Variants in HSD17B4 observed in about 807,000 individuals in gnomAD.
HSD17B4 encodes peroxisomal multifunctional enzyme type 2.
HSD17B4 carries 70 observed loss-of-function variants against 101.0 expected under a neutral mutation model. The observed-to-expected ratio is 0.69, with a 90% CI of 0.57 to 0.85. The LOEUF (loss-of-function observed/expected upper bound fraction) is 0.85. HSD17B4 is among the 40% of genes least tolerant of loss of function. The pLI, the probability that HSD17B4 is intolerant of heterozygous loss-of-function variation, is 0.00. For missense variants in HSD17B4, 984 were observed against 892.4 expected (o/e 1.10, Z -1.31); for synonymous variants, 347 against 297.1 (o/e 1.17, Z -1.73).
At chr5:119,528,505 T>C (rs976946323) in intron 20 of HSD17B4, among the ~76,000 whole-genome samples, 2 of 152,180 alleles carry the variant, frequency 1.3e-5, no homozygotes, top group African/African-American at 2.4e-5. Flanking sequence ...TTCCTACCCA[T>C]AGATACACTC....
At chr5:119,541,234 T>G (rs1185298863) in intron 23 of HSD17B4, among the ~76,000 whole-genome samples, 1 of 152,194 alleles carries the variant, frequency 6.6e-6, no homozygotes, top group Non-Finnish European at 1.5e-5. Context: ...AATACTCTCT[T>G]ATCACATGTC....
intron 14 of HSD17B4, among the ~76,000 whole-genome samples, chr5:119,504,785 C>T (rs766339881): frequency 1.1e-4 from 17 of 152,092 alleles, no homozygotes; most frequent in Non-Finnish European, 2.2e-4. Flanking sequence ...TTGTTTTGAT[C>T]GTAATTGCTT....
At chr5:119,515,205 G>A (rs374772475) in intron 17 of HSD17B4, among the ~76,000 whole-genome samples, 159 bp downstream of exon 17, 11 of 151,812 alleles carry the variant, frequency 7.2e-5, no homozygotes, top group African/African-American at 2.7e-4. Flanking sequence ...GTGATTGCAC[G>A]TTATTTTTTT....
intron 9 of HSD17B4, 74 bp from the exon 10 acceptor site, chr5:119,492,026 T>G: frequency 7.1e-6 from 9 of 1,269,578 alleles, no homozygotes; most frequent in Non-Finnish European, 1.0e-5. Flanking sequence ...AGGAGCTGAC[T>G]TTTTTCTAAT....
rs6894991 is a variant in HSD17B4, at chr5:119,491,942, T to A, written c.715-158T>A. On this transcript the variant is annotated intron_variant, in intron 9 of 23. Coordinates refer to ENST00000510025, the MANE Select transcript of HSD17B4 (RefSeq NM_000414.4). Reference sequence around the variant, plus strand: ...CGATAACATGAGCAGTGCAAAGTCATGGGGGCCAGTGGACTCTTACAGAGC... The same window carrying A: ...CGATAACATGAGCAGTGCAAAGTCAAGGGGGCCAGTGGACTCTTACAGAGC... Among the ~76,000 whole-genome samples the A allele has an allele frequency of 0.042, 6,356 of 152,246 alleles. 564 individuals are homozygous for A. The highest frequency in any genetic ancestry group is 0.42 in the East Asian group (2,147 of 5,144).
chr5:119,484,684 T>C (rs919746935), intron 8 of HSD17B4, among the ~76,000 whole-genome samples: 2 of 152,188 alleles, frequency 1.3e-5, no homozygotes, highest in African/African-American at 2.4e-5. Flanking sequence ...CAAATACTTA[T>C]GGTACCATAT....
chr5:119,485,235 G>A (rs1435115321), intron 8 of HSD17B4, among the ~76,000 whole-genome samples: 2 of 152,064 alleles, frequency 1.3e-5, no homozygotes, highest in Non-Finnish European at 2.9e-5. Flanking sequence ...TTTTTGGGAA[G>A]CCGTACGTTT....
chr5:119,529,766 A>G lies in HSD17B4; in HGVS notation c.1768-128A>G, dbSNP rs1205694939. 7 of 645,442 alleles carry G rather than the reference A, an allele frequency of 1.1e-5. No homozygotes were observed. In the East Asian group the frequency reaches 1.9e-4, roughly 18 times the overall value. The allele number at this position is 645,442 out of a possible 1,614,324, so 40.0% of individuals were successfully genotyped here. A position where few individuals can be genotyped will look rare whatever the true frequency, so the allele number is the denominator to read the frequency against. On this transcript the variant is annotated intron_variant, in intron 20 of 23. Transcript: ENST00000510025. ...ATTTACTTTAGCAGCCTTTTATTTT[A>G]TCTGGATTATTATATTCTTTTTCAT...
At chr5:119,538,825 A>T (rs1754745944) in intron 23 of HSD17B4, among the ~76,000 whole-genome samples, 1 of 152,116 alleles carries the variant, frequency 6.6e-6, no homozygotes, top group Non-Finnish European at 1.5e-5. Context: ...TTCCTGTTAT[A>T]TTCTGATAAC....
intron 20 of HSD17B4, among the ~76,000 whole-genome samples, chr5:119,528,900 T>TCTCACTTTCTCCCTCCCTTCCTCCTTTC (rs1753825849): frequency 6.6e-6 from 1 of 152,102 alleles, no homozygotes; most frequent in South Asian, 2.1e-4. Context: ...TGCCTCCTTT[T>TCTCACTTTCTCCCTCCCTTCCTCCTTTC]CTCACTTTCT....
At chr5:119,480,094 A>G (rs1451835780) in intron 8 of HSD17B4, among the ~76,000 whole-genome samples, 2 of 152,010 alleles carry the variant, frequency 1.3e-5, no homozygotes, top group Non-Finnish European at 2.9e-5. Context: ...GACATATGTT[A>G]TTGAACATTT....
intron 1 of HSD17B4, among the ~76,000 whole-genome samples, chr5:119,453,510 G>C (rs973710866): frequency 2.0e-5 from 3 of 152,222 alleles, no homozygotes; most frequent in Non-Finnish European, 2.9e-5. Context: ...GGTGACCTCT[G>C]TAACCTCCAA....
rs370873991 is a variant in HSD17B4, at chr5:119,525,201, A to G, written c.1504-15A>G. 13 of 1,594,578 alleles carry G rather than the reference A, an allele frequency of 8.2e-6. No homozygotes were observed. Among genetic ancestry groups the G allele is most frequent in the Non-Finnish European group, 1.0e-5 (12 of 1,162,810 alleles). On this transcript the variant is annotated splice_polypyrimidine_tract_variant and intron_variant, in intron 17 of 23. Coordinates refer to ENST00000510025, the MANE Select transcript of HSD17B4 (RefSeq NM_000414.4). ...AAAACACTGAGTTCTAGTTATGTTT[A>G]TGCTTTCTCCACAGGCTGCTTTGTA...
rs754677235 is a variant in HSD17B4, at chr5:119,477,414, T to G, written c.350-3T>G. 6.3e-7 allele frequency: 1 copy of G among 1,591,972 alleles called. No individual in the cohort carries two copies. Among genetic ancestry groups the G allele is most frequent in the Non-Finnish European group, 8.6e-7 (1 of 1,160,292 alleles). On this transcript the variant is annotated splice_polypyrimidine_tract_variant and splice_region_variant and intron_variant, in intron 6 of 23. Transcript: ENST00000510025. ...ATTTAATAAAAATAATTTATTGTTT[T>G]AGATATAATCCACAGAGTTCATTTG...
rs32660 is a variant in HSD17B4 at position 119,507,463 on chromosome 5, A to G, written c.1333+574A>G. Among the ~76,000 whole-genome samples the G allele has an allele frequency of 4.1e-3, 631 of 152,326 alleles. 23 individuals carry two copies. Among genetic ancestry groups the G allele is most frequent in the Admixed American group, 0.032 (482 of 15,300 alleles). On this transcript the variant is annotated intron_variant, in intron 15 of 23. Transcript: ENST00000510025. ...AATGTTGAAATACTAGTAATTAAACATAAGGTGAAGATATGATGCTTAAAA... is the reference window on the plus strand; with the variant it reads ...AATGTTGAAATACTAGTAATTAAACGTAAGGTGAAGATATGATGCTTAAAA...
intron 22 of HSD17B4, chr5:119,535,809 TA>T (rs1343225813): frequency 1.3e-5 from 2 of 152,102 alleles, no homozygotes; most frequent in Admixed American, 1.3e-4. Context: ...AGCAAAGACC[TA>T]ATATTAAGGG....
intron 16 of HSD17B4, among the ~76,000 whole-genome samples, chr5:119,511,262 T>G (rs1451444013): frequency 6.6e-6 from 1 of 152,150 alleles, no homozygotes; most frequent in African/African-American, 2.4e-5. Context: ...AGCATAGGGA[T>G]GCCCTCAAAA....
At chr5:119,483,404 A>G (rs879723346) in intron 8 of HSD17B4, among the ~76,000 whole-genome samples, 4 of 152,048 alleles carry the variant, frequency 2.6e-5, no homozygotes, top group South Asian at 2.1e-4. Context: ...TTAAGCTTTT[A>G]TCTTGGTTTG....
chr5:119,506,702 C>T, intron 14 of HSD17B4, 116 bp from the exon 15 acceptor site: 1 of 616,842 alleles, frequency 1.6e-6, no homozygotes, highest in Non-Finnish European at 3.0e-6. Context: ...CTATTTCAAA[C>T]CATAGTTTTT....
Sources: allele counts gnomAD v4.1 joint callset (sites outside exome capture counted in the v4.1 genomes callset), GRCh38; gene constraint gnomAD v4.1.1; transcripts MANE v1.5; gene names NCBI Gene and HGNC (gene_info 2026-07-23, HGNC 2026-07-21).